The following DPP6 variants were observed in gnomAD, a reference collection of about 807,000 sequenced individuals.
DPP6 encodes A-type potassium channel modulatory protein DPP6.
Under a neutral mutation model 122.6 loss-of-function variants are expected in DPP6, and 69 were observed. That is an observed-to-expected ratio of 0.56 (90% CI 0.46 to 0.69). DPP6 has a LOEUF of 0.69. Ranked by LOEUF, DPP6 falls within the 30% of genes least tolerant of loss-of-function variation. DPP6 has a pLI of 0.00. For missense variants in DPP6, 928 were observed against 1,116.9 expected (o/e 0.83, Z 2.41); for synonymous variants, 418 against 433.1 (o/e 0.97, Z 0.43).
intron 1 of DPP6, among the ~76,000 whole-genome samples, chr7:153,992,306 A>T (rs1202662467): frequency 6.6e-6 from 1 of 152,098 alleles, no homozygotes; most frequent in Non-Finnish European, 1.5e-5. Context: ...ACAATAACTT[A>T]CTTCACTGGG....
At chr7:154,672,162 G>A (rs1026920272) in intron 7 of DPP6, among the ~76,000 whole-genome samples, 2 of 152,026 alleles carry the variant, frequency 1.3e-5, no homozygotes, top group African/African-American at 4.8e-5. Flanking sequence ...CCCTTTGCTC[G>A]ACACTCACTC....
At chr7:154,227,389 C>CA (rs1192233592) in intron 1 of DPP6, among the ~76,000 whole-genome samples, 1 of 127,352 alleles carries the variant, frequency 7.9e-6, no homozygotes, top group Non-Finnish European at 1.7e-5. Flanking sequence ...TGGTGGTTGC[C>CA]AGGGGGTTGG....
chr7:154,442,205 A>G (rs1183553977), intron 1 of DPP6, among the ~76,000 whole-genome samples: 2 of 152,224 alleles, frequency 1.3e-5, no homozygotes, highest in Admixed American at 6.5e-5. Flanking sequence ...TGTACGAGAC[A>G]TTGAGACGTT....
intron 16 of DPP6, among the ~76,000 whole-genome samples, chr7:154,840,170 C>T (rs969376207): frequency 1.3e-5 from 2 of 152,176 alleles, no homozygotes. Flanking sequence ...ATGGGTCAGC[C>T]CACCTGGTCA....
chr7:154,088,111 C>T (rs1313239242), intron 1 of DPP6, among the ~76,000 whole-genome samples: 1 of 152,140 alleles, frequency 6.6e-6, no homozygotes, highest in Non-Finnish European at 1.5e-5. Context: ...ATGGGAAGCC[C>T]CTCGTGGCAC....
At chr7:154,688,337 T>TA (rs757251772) in intron 7 of DPP6, among the ~76,000 whole-genome samples, 1 of 152,188 alleles carries the variant, frequency 6.6e-6, no homozygotes, top group Non-Finnish European at 1.5e-5. Context: ...TTTATTTACT[T>TA]AAAAAATACT....
At chr7:154,271,878 T>C (rs546811625) in intron 1 of DPP6, among the ~76,000 whole-genome samples, 1 of 152,342 alleles carries the variant, frequency 6.6e-6, no homozygotes, top group East Asian at 1.9e-4. Context: ...TATACCTTTA[T>C]CTCCGGGGTT....
intron 16 of DPP6, among the ~76,000 whole-genome samples, chr7:154,836,341 C>A (rs1384467341): frequency 6.6e-6 from 1 of 152,214 alleles, no homozygotes; most frequent in Non-Finnish European, 1.5e-5. Flanking sequence ...AGCACTGCCT[C>A]ACCCATGCCC....
chr7:153,760,828 C>A, the DPP6 span, among the ~76,000 whole-genome samples: 1 of 152,162 alleles, frequency 6.6e-6, no homozygotes, highest in East Asian at 1.9e-4. Context: ...CTTTCCCCAA[C>A]CTTGGAGAGT....
intron 1 of DPP6, among the ~76,000 whole-genome samples, chr7:154,394,870 A>C (rs558318275): frequency 6.6e-6 from 1 of 152,354 alleles, no homozygotes; most frequent in South Asian, 2.1e-4. Context: ...GAATGATTTT[A>C]GGACTTTTAA....
intron 1 of DPP6, among the ~76,000 whole-genome samples, chr7:154,436,116 G>A (rs1168020240): frequency 6.6e-6 from 1 of 151,818 alleles, no homozygotes; most frequent in Non-Finnish European, 1.5e-5. Flanking sequence ...ATTTGAGGTG[G>A]CTTACAGAAT....
In DPP6 at chr7:154,763,355, G is replaced by GGAGAGA. The variant is rs5888592; in HGVS notation, c.884-6045_884-6040dup. Among the ~76,000 whole-genome samples the GGAGAGA allele has an allele frequency of 9.6e-5, 14 of 146,150 alleles. No individual in the cohort carries two copies. The East Asian group carries it at 1.6e-3, about 17-fold the overall frequency. The stretch of plus-strand genomic sequence containing the variant: ...TCAAAAAAAGGAAGGAAGGAAGGAA[G>GGAGAGA]GAGAGAGAGAGAGAGAGAGAGAAAG... On this transcript the variant is annotated intron_variant, in intron 8 of 25. Coordinates refer to ENST00000377770, the MANE Select transcript of DPP6 (RefSeq NM_130797.4).
In DPP6 at chr7:154,092,389, C is replaced by G. The variant is rs549650150; in HGVS notation, c.243+39326C>G. The G allele has an allele frequency of 2.6e-5, 4 of 152,068 alleles. No homozygotes were observed. The East Asian group carries it at 7.8e-4, about 30-fold the overall frequency. 9.4% of individuals were successfully genotyped at this position (152,068 alleles called of 1,614,324 possible). A position where few individuals can be genotyped will look rare whatever the true frequency, so the allele number is the denominator to read the frequency against. ...CTGGCACACTGTGGACCACTGCCAC[C>G]TTGGTCTGGGATCCACCCAGGCCTC... On this transcript the variant is annotated intron_variant, in intron 1 of 25. Coordinates refer to ENST00000377770, the MANE Select transcript of DPP6 (RefSeq NM_130797.4).
chr7:154,369,647 T>C (rs1044450455), intron 1 of DPP6, among the ~76,000 whole-genome samples: 8 of 151,944 alleles, frequency 5.3e-5, no homozygotes, highest in Middle Eastern at 3.2e-3. Context: ...ATTACAGGCG[T>C]GAGCCACCAC....
intron 2 of DPP6, among the ~76,000 whole-genome samples, chr7:154,468,273 C>T (rs527592954): frequency 6.6e-6 from 1 of 152,196 alleles, no homozygotes; most frequent in Non-Finnish European, 1.5e-5. Context: ...TGTTTAGAGA[C>T]AGAAAGAAGA....
chr7:154,618,716 T>C lies in DPP6; in HGVS notation c.628-19105T>C, dbSNP rs982642332. On this transcript the variant is annotated intron_variant, in intron 5 of 25. Transcript: ENST00000377770. The surrounding 1 kb of genome is among the most constrained non-coding windows in gnomAD (Gnocchi z 4.1). ...ATGTACTGAAAACTCAGCACATGCCTACTAAATGCTCTGTAGGCTTTATCT... is the reference window on the plus strand; with the variant it reads ...ATGTACTGAAAACTCAGCACATGCCCACTAAATGCTCTGTAGGCTTTATCT... Among the ~76,000 whole-genome samples the C allele has an allele frequency of 6.6e-6, 1 of 152,190 alleles. No individual in the cohort carries two copies. The highest frequency in any genetic ancestry group is 1.5e-5 in the Non-Finnish European group (1 of 68,036).
chr7:154,235,751 GA>G (rs575347565), intron 1 of DPP6, among the ~76,000 whole-genome samples: 2 of 152,262 alleles, frequency 1.3e-5, no homozygotes, highest in East Asian at 3.9e-4. Context: ...TGTGAGCTTT[GA>G]ATTTAATCTG....
chr7:154,588,054 G>A (rs745849297), intron 5 of DPP6: 1 of 1,608,488 alleles, frequency 6.2e-7, no homozygotes, highest in Admixed American at 1.7e-5. Flanking sequence ...GCAGCTACAG[G>A]CAGATTTCGG....
intron 1 of DPP6, among the ~76,000 whole-genome samples, chr7:154,358,414 G>A (rs1465691768): frequency 6.6e-6 from 1 of 152,158 alleles, no homozygotes; most frequent in Non-Finnish European, 1.5e-5. Context: ...TGAACACTCT[G>A]TGGTTTCTGA....
Sources: allele counts gnomAD v4.1 joint callset (sites outside exome capture counted in the v4.1 genomes callset), GRCh38; gene constraint gnomAD v4.1.1; non-coding constraint Gnocchi (gnomAD v3.1); transcripts MANE v1.5; gene names NCBI Gene and HGNC (gene_info 2026-07-23, HGNC 2026-07-21).